OPHN1: variants seen among roughly 807,000 people sequenced by gnomAD.
OPHN1 encodes the protein oligophrenin-1.
A neutral mutation model predicts 60.7 loss-of-function variants in OPHN1; 11 were observed. The ratio of observed to expected loss-of-function variants is 0.18; its 90% CI spans 0.11 to 0.30. The LOEUF is 0.30. OPHN1 is among the 10% of genes least tolerant of loss of function. The probability of loss-of-function intolerance (pLI) is 1.00; values close to 1 mark genes in which losing one functional copy is unlikely to be tolerated. For missense variants in OPHN1, 449 were observed against 611.0 expected, an observed-to-expected ratio of 0.73 and a Z score of 2.80; for synonymous variants, 226 against 222.6, an observed-to-expected ratio of 1.02 and a Z score of -0.14.
At chrX:68,128,510 G>A (rs2077181045) in intron 15 of OPHN1, among the ~76,000 whole-genome samples, 1 of 73,395 alleles carries the variant, frequency 1.4e-5, no homozygotes, top group African/African-American at 3.4e-5. Context: ...GTGGGAGAGA[G>A]AGAGAGGAGA....
At chrX:68,209,788 A>C (rs1013139504) in intron 9 of OPHN1, among the ~76,000 whole-genome samples, 1 of 111,621 alleles carries the variant, frequency 9.0e-6, no homozygotes, top group Non-Finnish European at 1.9e-5. Context: ...AGTGTTTTAA[A>C]TGAACTTAGC....
intron 2 of OPHN1, among the ~76,000 whole-genome samples, chrX:68,352,702 T>C (rs1214345967): frequency 1.8e-5 from 2 of 111,875 alleles, no homozygotes; most frequent in South Asian, 7.4e-4. Context: ...CCTTCCAATG[T>C]CAGAACTAGA....
At chrX:68,380,017 T>G (rs2078586502) in intron 2 of OPHN1, among the ~76,000 whole-genome samples, 1 of 110,996 alleles carries the variant, frequency 9.0e-6, no homozygotes, top group Non-Finnish European at 1.9e-5. Flanking sequence ...AGTTCCTCCT[T>G]GTACCTCTGG....
At chrX:68,312,125 G>T (rs2078176838) in intron 2 of OPHN1, among the ~76,000 whole-genome samples, 1 of 103,784 alleles carries the variant, frequency 9.6e-6, no homozygotes, top group African/African-American at 3.5e-5. Flanking sequence ...TTTGAGACAG[G>T]GTCTCATTCT....
At chrX:68,234,091 C>A (rs866759461) in intron 6 of OPHN1, among the ~76,000 whole-genome samples, 165 of 44,084 alleles carry the variant, frequency 3.7e-3, no homozygotes, top group South Asian at 6.6e-3. Context: ...AACCCCTCAC[C>A]AAAAAAAAAA....
At chrX:68,394,299 C>T (rs2078672247) in intron 2 of OPHN1, among the ~76,000 whole-genome samples, 1 of 111,530 alleles carries the variant, frequency 9.0e-6, no homozygotes, top group African/African-American at 3.3e-5. Flanking sequence ...CTGGTCTGTT[C>T]TGTTGTTTTT....
chrX:68,201,722 C>A lies in OPHN1; in HGVS notation c.934-12G>T. Reference sequence around the variant, plus strand: ...AAGTCCAAGGGCCCCTGATATGAAACAAGAATTAACAGGCAATTTTTAAAA... The same window carrying A: ...AAGTCCAAGGGCCCCTGATATGAAAAAAGAATTAACAGGCAATTTTTAAAA... On this transcript the variant is annotated splice_polypyrimidine_tract_variant and intron_variant, in intron 10 of 24. Coordinates refer to ENST00000355520, the MANE Select transcript of OPHN1 (RefSeq NM_002547.3). 8.6e-7 allele frequency: 1 copy of A among 1,160,201 alleles called. No homozygotes were observed. The highest frequency in any genetic ancestry group is 1.2e-6 in the Non-Finnish European group (1 of 849,170).
At position 68,327,822 on chromosome X, in the gene OPHN1, A is replaced by T. The variant is rs867159655; in HGVS notation, c.155-28726T>A. ...TAAAAAAAAAAAAAAAAAAAATTTT[A>T]AACTTTTTTTTTTTTTTTGAGACGG... On this transcript the variant is annotated intron_variant, in intron 2 of 24. Transcript: ENST00000355520. 2.5e-4 allele frequency among the ~76,000 whole-genome samples: 26 copies of T among 102,293 alleles called. No individual in the cohort carries two copies. The South Asian group carries it at 7.1e-3, about 28-fold the overall frequency. 88.8% of individuals were successfully genotyped at this position (102,293 alleles called of 115,157 possible).
At position 68,351,318 on chromosome X, in the gene OPHN1, G is replaced by A. The variant is rs181912169; in HGVS notation, c.155-52222C>T. On this transcript the variant is annotated intron_variant, in intron 2 of 24. Coordinates refer to ENST00000355520, the MANE Select transcript of OPHN1 (RefSeq NM_002547.3). ...GAGTAAGAAAAAAGCAAAGAAGTCA[G>A]TAACACTGTTTCCTCTTACCTCACC... Among the ~76,000 whole-genome samples, 226 of 111,395 alleles carry A rather than the reference G, an allele frequency of 2.0e-3. 1 individual carries two copies. The highest frequency in any genetic ancestry group is 6.7e-3 in the African/African-American group (207 of 30,701).
intron 3 of OPHN1, among the ~76,000 whole-genome samples, chrX:68,289,812 C>T (rs1365169329): frequency 8.9e-6 from 1 of 112,326 alleles, no homozygotes; most frequent in Non-Finnish European, 1.9e-5. Context: ...ATAAAATGTC[C>T]AATGATTGGG....
intron 2 of OPHN1, among the ~76,000 whole-genome samples, chrX:68,429,365 G>T (rs1050943210): frequency 2.7e-5 from 3 of 111,059 alleles, no homozygotes; most frequent in Non-Finnish European, 5.7e-5. Context: ...GGCGGAGGTT[G>T]CAGTGAGCTG....
chrX:68,407,502 T>A (rs1174662154), intron 2 of OPHN1, among the ~76,000 whole-genome samples: 1 of 112,211 alleles, frequency 8.9e-6, no homozygotes, highest in Non-Finnish European at 1.9e-5. Context: ...TTTATGAATA[T>A]GTTGATCCTA....
In OPHN1 at chrX:68,073,314, G is replaced by T. The variant is rs754604511; in HGVS notation, c.1687-15C>A. On this transcript the variant is annotated splice_polypyrimidine_tract_variant and intron_variant, in intron 19 of 24. Transcript: ENST00000355520. ...CCTAAATAGATCTGTGGAGAAAGAA[G>T]GAAGATATCTAGAGAATAATTAGAT... 8.4e-7 allele frequency: 1 copy of T among 1,188,504 alleles called. No individual in the cohort carries two copies. The highest frequency in any genetic ancestry group is 1.9e-5 in the South Asian group (1 of 53,042).
At chrX:68,213,738 T>C in intron 7 of OPHN1, 124 bp downstream of exon 7, 1 of 513,152 alleles carries the variant, frequency 1.9e-6, no homozygotes. Context: ...TTAGACTACG[T>C]TCTAGACATT....
intron 9 of OPHN1, among the ~76,000 whole-genome samples, chrX:68,208,146 A>C (rs1382154160): frequency 9.2e-6 from 1 of 108,360 alleles, no homozygotes; most frequent in Non-Finnish European, 1.9e-5. Flanking sequence ...GCTGGAGTGT[A>C]ATGGCACCAT....
At chrX:68,235,939 C>T (rs2077751052) in intron 5 of OPHN1, among the ~76,000 whole-genome samples, 1 of 109,090 alleles carries the variant, frequency 9.2e-6, no homozygotes, top group African/African-American at 3.3e-5. Flanking sequence ...AGGGAGGAAG[C>T]TAACATTCAT....
intron 2 of OPHN1, among the ~76,000 whole-genome samples, chrX:68,418,253 G>A (rs2078808964): frequency 9.0e-6 from 1 of 111,664 alleles, no homozygotes; most frequent in Non-Finnish European, 1.9e-5. Flanking sequence ...GGGATGGCTG[G>A]CTAGGAGGGC....
At chrX:68,240,536 A>G (rs1220136447) in intron 5 of OPHN1, among the ~76,000 whole-genome samples, 1 of 110,751 alleles carries the variant, frequency 9.0e-6, no homozygotes, top group Non-Finnish European at 1.9e-5. Flanking sequence ...TTTTTTTTCA[A>G]ATGTGTTATA....
intron 2 of OPHN1, among the ~76,000 whole-genome samples, chrX:68,395,467 G>A (rs2078678680): frequency 2.0e-5 from 2 of 102,367 alleles, no homozygotes; most frequent in Admixed American, 2.2e-4. Flanking sequence ...TTTTTCTGGA[G>A]ATGGAGTTTC....
Sources: gnomAD v4.1 joint callset for allele counts (sites outside exome capture counted in the v4.1 genomes callset) on GRCh38, gnomAD v4.1.1 for gene constraint, MANE v1.5 for transcripts, NCBI Gene and HGNC (gene_info 2026-07-23, HGNC 2026-07-21) for gene names.